CLEC4G: variants seen among roughly 807,000 people sequenced by gnomAD.
CLEC4G encodes the protein C-type lectin superfamily 4, member G.
CLEC4G carries 34 observed loss-of-function variants against 37.0 expected under a neutral mutation model. The ratio of observed to expected loss-of-function variants is 0.92; its 90% CI spans 0.70 to 1.22. The LOEUF is 1.22. Among genes scored for constraint, CLEC4G ranks in the 50% most tolerant of loss-of-function variants. CLEC4G has a pLI of 0.00. For missense variants in CLEC4G, 390 were observed against 392.9 expected (o/e 0.99, Z 0.06); for synonymous variants, 167 against 165.6 (o/e 1.01, Z -0.06).
rs760746616 is a variant in CLEC4G, at chr19:7,731,788, G to C, written c.56-17C>G. On this transcript the variant is annotated splice_polypyrimidine_tract_variant and intron_variant, in intron 1 of 8. Transcript: ENST00000328853. ...CCCAGGGCCCTGGCATAACAAGGAC[G>C]GCATGCTGGGTCCCCCAGAACTGAG... 3.1e-6 allele frequency: 5 copies of C among 1,607,668 alleles called. No homozygotes were observed. Among genetic ancestry groups the C allele is most frequent in the Non-Finnish European group, 3.4e-6 (4 of 1,177,052 alleles).
Position 7,730,902 on chromosome 19 carries a change from G to A in CLEC4G, c.284-43C>T, listed in dbSNP as rs1425906939. ...AGAGGGGCGAGGGCGGCGAGGATGGGGCGGGACTTCGGAGACCAGCCCCCG... is the reference window on the plus strand; with the variant it reads ...AGAGGGGCGAGGGCGGCGAGGATGGAGCGGGACTTCGGAGACCAGCCCCCG... On this transcript the variant is annotated intron_variant, in intron 4 of 8. Transcript: ENST00000328853. The surrounding 1 kb of genome is among the most constrained non-coding windows in gnomAD (Gnocchi z 7.3). 6.6e-7 allele frequency: 1 copy of A among 1,523,460 alleles called. No homozygotes were observed. The highest frequency in any genetic ancestry group is 1.2e-5 in the South Asian group (1 of 82,650). 94.4% of individuals were successfully genotyped at this position (1,523,460 alleles called of 1,614,324 possible).
chr19:7,728,982 A>G lies in CLEC4G; in HGVS notation c.*384T>C, dbSNP rs2033384902. ...TCCTGGATTCATTTCTCAAATATTT[A>G]TTGATGCTTCCTCAGGCTGCAAAAA... On this transcript the variant is annotated 3_prime_UTR_variant, in exon 9 of 9. Coordinates refer to ENST00000328853, the MANE Select transcript of CLEC4G (RefSeq NM_198492.4). The G allele has an allele frequency of 2.8e-6, 1 of 363,168 alleles. No individual in the cohort carries two copies. The highest frequency in any genetic ancestry group is 2.1e-5 in the South Asian group (1 of 46,806). 22.5% of individuals were successfully genotyped at this position (363,168 alleles called of 1,614,324 possible). A position where few individuals can be genotyped will look rare whatever the true frequency, so the allele number is the denominator to read the frequency against.
In CLEC4G at chr19:7,729,192, G is replaced by A. The variant is rs1446485021; in HGVS notation, c.*174C>T. Reference sequence around the variant, plus strand: ...GGATGAGGTCGGCATGGAGGTCCCAGAGCCCAGGCACTGGGCTGGACAGGG... The same window carrying A: ...GGATGAGGTCGGCATGGAGGTCCCAAAGCCCAGGCACTGGGCTGGACAGGG... On this transcript the variant is annotated 3_prime_UTR_variant, in exon 9 of 9. Transcript: ENST00000328853. The A allele has an allele frequency of 1.4e-6, 1 of 698,820 alleles. No homozygotes were observed. 43.3% of individuals were successfully genotyped at this position (698,820 alleles called of 1,614,324 possible). A position where few individuals can be genotyped will look rare whatever the true frequency, so the allele number is the denominator to read the frequency against.
In CLEC4G at chr19:7,730,057, T is replaced by G. The variant is rs2033403872; in HGVS notation, c.589A>C (p.Ser197Arg). The change falls in exon 7 of 9, where the codon AGC becomes CGC. Residue 197 changes from serine to arginine, a missense_variant. Physicochemically the swap from Ser to Arg is moderately radical, Grantham distance 110. Coordinates refer to ENST00000328853, the MANE Select transcript of CLEC4G (RefSeq NM_198492.4). This position sits in a 1 kb window ranked among gnomAD's most constrained non-coding sequence, Gnocchi z 7.3. ...AAAQDHCADA[S>R]AHLVIVGGLD... is the part of the protein sequence containing the mutation. ...CCCCCAACGATCACCAGGTGCGCGC[T>G]GGCATCTGCGCAGTGATCCTGCGCC... 6.2e-7 allele frequency: 1 copy of G among 1,604,788 alleles called. No individual in the cohort carries two copies. The highest frequency in any genetic ancestry group is 8.5e-7 in the Non-Finnish European group (1 of 1,177,318).
rs149297990 is a variant in CLEC4G, at chr19:7,730,172, G to A, written c.479-5C>T. The stretch of plus-strand genomic sequence containing the variant: ...TGGGGCACGGCTCGCAGGAGTCTGC[G>A]GGGTGGCGAGGGTCAGAGAGGTCGC... On this transcript the variant is annotated splice_polypyrimidine_tract_variant and splice_region_variant and intron_variant, in intron 6 of 8. Coordinates refer to ENST00000328853, the MANE Select transcript of CLEC4G (RefSeq NM_198492.4). The surrounding 1 kb of genome is among the most constrained non-coding windows in gnomAD (Gnocchi z 7.3). The A allele has an allele frequency of 2.5e-4, 400 of 1,610,984 alleles. 2 individuals are homozygous for A. In the African/African-American group the frequency reaches 4.5e-3, roughly 18 times the overall value.
At chr19:7,729,984 C>A in intron 7 of CLEC4G, 35 bp downstream of exon 7, 1 of 1,607,420 alleles carries the variant, frequency 6.2e-7, no homozygotes, top group Non-Finnish European at 8.5e-7. Context: ...CCCGCCCTGC[C>A]CCACCGCCTG....
chr19:7,730,829 G>A lies in CLEC4G; in HGVS notation c.314C>T (p.Thr105Met). ...CTGCGCCTCCCCAAGCTCCGCGCGCGTGGTCTGCAGCTGCGCCTGCGTCCC... is the reference window on the plus strand; with the variant it reads ...CTGCGCCTCCCCAAGCTCCGCGCGCATGGTCTGCAGCTGCGCCTGCGTCCC... ...CSGTQAQLQT[T>M]RAELGEAQAK... Residue 105 changes from threonine to methionine, a missense_variant, in exon 5 of 9, where the codon ACG becomes ATG. Transcript: ENST00000328853. This position sits in a 1 kb window ranked among gnomAD's most constrained non-coding sequence, Gnocchi z 7.3. 4 of 1,531,960 alleles carry A rather than the reference G, an allele frequency of 2.6e-6. No homozygotes were observed. The highest frequency in any genetic ancestry group is 1.7e-6 in the Non-Finnish European group (2 of 1,145,744). 94.9% of individuals were successfully genotyped at this position (1,531,960 alleles called of 1,614,324 possible). A position where few individuals can be genotyped will look rare whatever the true frequency, so the allele number is the denominator to read the frequency against.
In CLEC4G at chr19:7,730,529, G is replaced by T; in HGVS notation, c.389-89C>A. ...CTAAAGGTCAGGACCCCTGTCTGTGGTCATTGTACCCTCGGTGCCAGCGTC... is the reference window on the plus strand; with the variant it reads ...CTAAAGGTCAGGACCCCTGTCTGTGTTCATTGTACCCTCGGTGCCAGCGTC... On this transcript the variant is annotated intron_variant, in intron 5 of 8. Coordinates refer to ENST00000328853, the MANE Select transcript of CLEC4G (RefSeq NM_198492.4). This position sits in a 1 kb window ranked among gnomAD's most constrained non-coding sequence, Gnocchi z 7.3. 1 of 1,530,570 alleles carries T rather than the reference G, an allele frequency of 6.5e-7. No homozygotes were observed. The highest frequency in any genetic ancestry group is 2.3e-5 in the East Asian group (1 of 43,644). 94.8% of individuals were successfully genotyped at this position (1,530,570 alleles called of 1,614,324 possible).
In CLEC4G at chr19:7,729,013, T is replaced by C; in HGVS notation, c.*353A>G. The stretch of plus-strand genomic sequence containing the variant: ...GCTTCCTCAGGCTGCAAAAACAGCT[T>C]CCAGTTTGGTGGAAAATGCGAGAAA... On this transcript the variant is annotated 3_prime_UTR_variant, in exon 9 of 9. Transcript: ENST00000328853. 3 of 388,200 alleles carry C rather than the reference T, an allele frequency of 7.7e-6. No homozygotes were observed. The highest frequency in any genetic ancestry group is 1.5e-5 in the Non-Finnish European group (3 of 200,594). 24.0% of individuals were successfully genotyped at this position (388,200 alleles called of 1,614,324 possible). A position where few individuals can be genotyped will look rare whatever the true frequency, so the allele number is the denominator to read the frequency against.
At chr19:7,729,570 T>C in intron 8 of CLEC4G, 66 bp from the exon 9 acceptor site, 3 of 1,335,878 alleles carry the variant, frequency 2.2e-6, no homozygotes, top group Non-Finnish European at 3.1e-6. Flanking sequence ...GGGTCCCGCC[T>C]TCCTCTTCAG....
chr19:7,731,997 C>T (rs753081123), intron 1 of CLEC4G, 51 bp downstream of exon 1: 3 of 1,494,848 alleles, frequency 2.0e-6, no homozygotes. Flanking sequence ...TCCCCTCCCC[C>T]ATCAAACCCC....
At position 7,730,525 on chromosome 19, in the gene CLEC4G, T is replaced by C; in HGVS notation, c.389-85A>G. 6.5e-7 allele frequency: 1 copy of C among 1,535,690 alleles called. No homozygotes were observed. The highest frequency in any genetic ancestry group is 8.7e-7 in the Non-Finnish European group (1 of 1,147,808). ...CTAGCTAAAGGTCAGGACCCCTGTCTGTGGTCATTGTACCCTCGGTGCCAG... is the reference window on the plus strand; with the variant it reads ...CTAGCTAAAGGTCAGGACCCCTGTCCGTGGTCATTGTACCCTCGGTGCCAG... On this transcript the variant is annotated intron_variant, in intron 5 of 8. Coordinates refer to ENST00000328853, the MANE Select transcript of CLEC4G (RefSeq NM_198492.4). This position sits in a 1 kb window ranked among gnomAD's most constrained non-coding sequence, Gnocchi z 7.3.
At position 7,730,724 on chromosome 19, in the gene CLEC4G, G is replaced by T. The variant is rs114373014; in HGVS notation, c.388+31C>A. The T allele has an allele frequency of 1.4e-3, 2,145 of 1,523,372 alleles. 27 individuals are homozygous for T. In the African/African-American group the frequency reaches 0.024, roughly 17 times the overall value. 94.4% of individuals were successfully genotyped at this position (1,523,372 alleles called of 1,614,324 possible). Reference sequence around the variant, plus strand: ...GTCGGGGTCGGGGGACGCGGCCAGGGCTCAGGGCCGGGGTCGCGTCGGGCC... The same window carrying T: ...GTCGGGGTCGGGGGACGCGGCCAGGTCTCAGGGCCGGGGTCGCGTCGGGCC... On this transcript the variant is annotated intron_variant, in intron 5 of 8. Transcript: ENST00000328853. This position sits in a 1 kb window ranked among gnomAD's most constrained non-coding sequence, Gnocchi z 7.3.
Position 7,729,112 on chromosome 19 carries a change from G to A in CLEC4G, c.*254C>T. On this transcript the variant is annotated 3_prime_UTR_variant, in exon 9 of 9. Transcript: ENST00000328853. ...GTGGAGGCATATCACGGGGACGCAG[G>A]AGCAGGGATTTTGGAGCTAGTGGAG... 3.2e-6 allele frequency: 2 copies of A among 629,786 alleles called. No individual in the cohort carries two copies. Among genetic ancestry groups the A allele is most frequent in the East Asian group, 3.2e-5 (1 of 31,686 alleles). 39.0% of individuals were successfully genotyped at this position (629,786 alleles called of 1,614,324 possible).
chr19:7,729,914 C>G lies in CLEC4G; in HGVS notation c.650G>C (p.Arg217Pro), dbSNP rs746155614. 5.6e-6 allele frequency: 9 copies of G among 1,614,036 alleles called. No homozygotes were observed. Among genetic ancestry groups the G allele is most frequent in the Non-Finnish European group, 1.7e-6 (2 of 1,180,030 alleles). The change falls in exon 8 of 9, where the codon CGT (arginine) becomes CCT (proline). Residue 217 changes from arginine (R) to proline (P), a missense_variant. By Grantham distance (103) the Arg-to-Pro change is moderately radical. Coordinates refer to ENST00000328853, the MANE Select transcript of CLEC4G (RefSeq NM_198492.4). ...CAGGCCCAGCCAGTAACCACGGCCACGCGTGTTCCGAGTGAGGAAGCCCTA... is the reference window on the plus strand; with the variant it reads ...CAGGCCCAGCCAGTAACCACGGCCAGGCGTGTTCCGAGTGAGGAAGCCCTA... ...DEQGFLTRNT[R>P]GRGYWLGLRA...
Position 7,729,398 on chromosome 19 carries a change from C to G in CLEC4G, c.850G>C (p.Gly284Arg). ...TTGTGCCTTTTCTCACAGATCCAGCCGTCCTTCTCGCTGTCACACGGTGCG... is the reference window on the plus strand; with the variant it reads ...TTGTGCCTTTTCTCACAGATCCAGCGGTCCTTCTCGCTGTCACACGGTGCG... ...NDAPCDSEKD[G>R]WICEKRHNC Residue 284 changes from glycine (G) to arginine (R), a missense_variant, in exon 9 of 9, where the codon GGC (glycine) becomes CGC (arginine). By Grantham distance (125) the Gly-to-Arg change is moderately radical (BLOSUM62 -2). Transcript: ENST00000328853. 6.2e-7 allele frequency: 1 copy of G among 1,609,366 alleles called. No homozygotes were observed. The highest frequency in any genetic ancestry group is 8.5e-7 in the Non-Finnish European group (1 of 1,175,958).
chr19:7,730,323 C>T lies in CLEC4G; in HGVS notation c.478+28G>A. On this transcript the variant is annotated intron_variant, in intron 6 of 8. Transcript: ENST00000328853. This position sits in a 1 kb window ranked among gnomAD's most constrained non-coding sequence, Gnocchi z 7.3. ...ACAGGGTCCGCTTACGCCCTCACAG[C>T]CCGCCCCCGACCCCCCGTCTCGCTC... 1.6e-6 allele frequency: 2 copies of T among 1,245,242 alleles called. No homozygotes were observed. Among genetic ancestry groups the T allele is most frequent in the Admixed American group, 1.7e-5 (1 of 57,242 alleles). The allele number at this position is 1,245,242 out of a possible 1,614,324, so 77.1% of individuals were successfully genotyped here. A position where few individuals can be genotyped will look rare whatever the true frequency, so the allele number is the denominator to read the frequency against.
At position 7,730,129 on chromosome 19, in the gene CLEC4G, C is replaced by G. The variant is rs1319247869; in HGVS notation, c.517G>C (p.Glu173Gln). ...EPCPTSWLSF[E>Q]GSCYFFSVPK... The stretch of plus-strand genomic sequence containing the variant: ...ACAGAGAAAAAGTAGCAGGAGCCCT[C>G]GAAGGACAGCCACGACGTGGGGCAC... The change falls in exon 7 of 9, where the codon GAG (glutamate) becomes CAG (glutamine). Residue 173 changes from glutamate (E) to glutamine (Q), a missense_variant. Coordinates refer to ENST00000328853, the MANE Select transcript of CLEC4G (RefSeq NM_198492.4). This position sits in a 1 kb window ranked among gnomAD's most constrained non-coding sequence, Gnocchi z 7.3. 2.2e-5 allele frequency: 35 copies of G among 1,612,778 alleles called. No homozygotes were observed. The highest frequency in any genetic ancestry group is 3.0e-5 in the Non-Finnish European group (35 of 1,179,654).
At chr19:7,731,401 G>T in intron 2 of CLEC4G, 82 bp from the exon 3 acceptor site, 1 of 1,519,924 alleles carries the variant, frequency 6.6e-7, no homozygotes, top group South Asian at 1.2e-5. Flanking sequence ...CCCCCAACTC[G>T]GGAGCACGGA....
Sources: gnomAD v4.1 joint callset for allele counts on GRCh38, gnomAD v4.1.1 for gene constraint, Gnocchi (gnomAD v3.1) non-coding constraint, MANE v1.5 for transcripts, NCBI Gene and HGNC (gene_info 2026-07-23, HGNC 2026-07-21) for gene names.